GALNTL6: variants seen among roughly 807,000 people sequenced by gnomAD.
GALNTL6 encodes the protein polypeptide N-acetylgalactosaminyltransferase-like 6.
In GALNTL6, 46 loss-of-function variants were observed where a neutral mutation model predicts 73.7. The ratio of observed to expected loss-of-function variants is 0.62; its 90% CI spans 0.49 to 0.80. GALNTL6 has a LOEUF of 0.80. Ranked by LOEUF, GALNTL6 falls within the 30% of genes least tolerant of loss-of-function variation. The probability of loss-of-function intolerance (pLI) is 0.00; values close to 1 mark genes in which losing one functional copy is unlikely to be tolerated. For synonymous variants in GALNTL6, 259 were observed against 263.7 expected (o/e 0.98, Z 0.17); for missense variants, 604 against 755.0 (o/e 0.80, Z 2.34).
chr4:173,026,432 CAG>C (rs1753234687), intron 12 of GALNTL6, among the ~76,000 whole-genome samples: 1 of 152,182 alleles, frequency 6.6e-6, no homozygotes, highest in Non-Finnish European at 1.5e-5. Flanking sequence ...CTCTTACAGA[CAG>C]AACCATTCTT....
chr4:172,320,611 T>A (rs1740724879), intron 4 of GALNTL6, among the ~76,000 whole-genome samples: 1 of 151,940 alleles, frequency 6.6e-6, no homozygotes, highest in Non-Finnish European at 1.5e-5. Flanking sequence ...CTTGGGAGGA[T>A]CCCTCCTGGT....
At chr4:172,014,703 C>T (rs1324088231) in intron 2 of GALNTL6, among the ~76,000 whole-genome samples, 1 of 152,026 alleles carries the variant, frequency 6.6e-6, no homozygotes, top group East Asian at 1.9e-4. Context: ...GAACTTTCCT[C>T]TTAGCACTGC....
Position 172,720,961 on chromosome 4 carries a change from A to C in GALNTL6, c.554-88400A>C, listed in dbSNP as rs969714374. ...GATTCCTCTTAATAGAATTAGAATT[A>C]TCAGGTATCTTATGCTTTAAATGTA... On this transcript the variant is annotated intron_variant, in intron 5 of 12. Transcript: ENST00000506823. Among the ~76,000 whole-genome samples, 3 of 152,358 alleles carry C rather than the reference A, an allele frequency of 2.0e-5. No homozygotes were observed. In the South Asian group the frequency reaches 6.2e-4, roughly 32 times the overall value.
At chr4:172,946,449 G>GA (rs1749171026) in intron 9 of GALNTL6, among the ~76,000 whole-genome samples, 1 of 152,156 alleles carries the variant, frequency 6.6e-6, no homozygotes, top group African/African-American at 2.4e-5. Flanking sequence ...AAGCCAGCAG[G>GA]AAAAATTGAA....
At chr4:172,653,224 C>CTT (rs5864143) in intron 5 of GALNTL6, among the ~76,000 whole-genome samples, 24,915 of 143,568 alleles carry the variant, frequency 0.17, 3,192 homozygotes, top group African/African-American at 0.36. Flanking sequence ...TCTCTTCTTC[C>CTT]TTTTTTTTTT....
chr4:172,009,716 A>G (rs1553983784), intron 2 of GALNTL6, among the ~76,000 whole-genome samples: 1 of 151,940 alleles, frequency 6.6e-6, no homozygotes, highest in Non-Finnish European at 1.5e-5. Context: ...CTTTACCATG[A>G]TTTTTTTAAG....
intron 5 of GALNTL6, among the ~76,000 whole-genome samples, chr4:172,650,955 T>C (rs1160220167): frequency 1.3e-5 from 2 of 152,222 alleles, no homozygotes; most frequent in African/African-American, 4.8e-5. Flanking sequence ...AATTCAGTAT[T>C]TTTTCAAGAA....
rs114446186 is a variant in GALNTL6 at position 172,321,744 on chromosome 4, C to T, written c.386+9992C>T. ...ATAGAAGGAAGAAATATCAATGTTA[C>T]AAAAGGTAGTAAGGCAGACAAAAGC... On this transcript the variant is annotated intron_variant, in intron 4 of 12. Transcript: ENST00000506823. Among the ~76,000 whole-genome samples, 1,230 of 152,194 alleles carry T rather than the reference C, an allele frequency of 8.1e-3. 13 individuals are homozygous for T. Among genetic ancestry groups the T allele is most frequent in the African/African-American group, 0.028 (1,176 of 41,538 alleles).
intron 1 of GALNTL6, among the ~76,000 whole-genome samples, 185 bp downstream of exon 1, chr4:171,814,175 G>A (rs1734459647): frequency 6.6e-6 from 1 of 152,112 alleles, no homozygotes; most frequent in African/African-American, 2.4e-5. Flanking sequence ...GGAGGTGGGG[G>A]GCGAACAACA....
At chr4:172,110,816 C>T (rs561107128) in intron 2 of GALNTL6, among the ~76,000 whole-genome samples, 459 of 152,202 alleles carry the variant, frequency 3.0e-3, no homozygotes, top group African/African-American at 8.3e-3. Flanking sequence ...TATACTGACA[C>T]CCATAACTCC....
chr4:172,078,384 C>T (rs2110916042), intron 2 of GALNTL6, among the ~76,000 whole-genome samples: 1 of 152,242 alleles, frequency 6.6e-6, no homozygotes, highest in South Asian at 2.1e-4. Flanking sequence ...TTCGTGAGGC[C>T]TCCCTGTCAT....
At chr4:172,741,461 A>G (rs1171175502) in intron 5 of GALNTL6, among the ~76,000 whole-genome samples, 1 of 152,068 alleles carries the variant, frequency 6.6e-6, no homozygotes, top group Admixed American at 6.6e-5. Flanking sequence ...ACTGGAAATA[A>G]ATAATACATA....
intron 7 of GALNTL6, among the ~76,000 whole-genome samples, chr4:172,825,061 T>TTC (rs1344270701): frequency 6.7e-6 from 1 of 149,564 alleles, no homozygotes; most frequent in Non-Finnish European, 1.5e-5. Flanking sequence ...TTTTTCTTTT[T>TTC]TTTTTTTTTG....
At chr4:171,816,057 A>G (rs1289838813) in intron 2 of GALNTL6, 1 of 152,172 alleles carries the variant, frequency 6.6e-6, no homozygotes, top group African/African-American at 2.4e-5. Context: ...GAAGATGGAC[A>G]CTTTGGATGT....
At chr4:172,594,428 T>C (rs951739245) in intron 5 of GALNTL6, among the ~76,000 whole-genome samples, 17 of 152,228 alleles carry the variant, frequency 1.1e-4, no homozygotes, top group Admixed American at 7.2e-4. Flanking sequence ...TGAACTCTTA[T>C]GTGATAAATG....
At chr4:172,108,352 T>G (rs185457080) in intron 2 of GALNTL6, among the ~76,000 whole-genome samples, 64 of 152,120 alleles carry the variant, frequency 4.2e-4, no homozygotes, top group South Asian at 1.0e-3. Context: ...CTATAAAGAG[T>G]TGGCTCACAT....
At chr4:172,429,470 G>A (rs961890110) in intron 5 of GALNTL6, among the ~76,000 whole-genome samples, 47 of 152,070 alleles carry the variant, frequency 3.1e-4, no homozygotes, top group African/African-American at 1.0e-3. Flanking sequence ...TCGGCCTCCC[G>A]AAGTGCTGGG....
chr4:172,310,271 ATT>A (rs1169018138), intron 3 of GALNTL6, among the ~76,000 whole-genome samples: 2 of 145,742 alleles, frequency 1.4e-5, no homozygotes, highest in African/African-American at 2.5e-5. Context: ...TTACTCGATA[ATT>A]TTTTTTTTTT....
intron 5 of GALNTL6, among the ~76,000 whole-genome samples, chr4:172,801,914 A>T (rs79071557): frequency 1.2e-3 from 181 of 152,234 alleles, no homozygotes; most frequent in Non-Finnish European, 2.3e-3. Flanking sequence ...GATAAGGATG[A>T]TGACCTTCAT....
Sources: gnomAD v4.1 joint callset for allele counts (sites outside exome capture counted in the v4.1 genomes callset) on GRCh38, gnomAD v4.1.1 for gene constraint, MANE v1.5 for transcripts, NCBI Gene and HGNC (gene_info 2026-07-23, HGNC 2026-07-21) for gene names.